Variants in GLIS3 observed in about 807,000 individuals in gnomAD.
GLIS3 encodes GLIS family zinc finger 3, also known as zinc finger protein GLIS3.
GLIS3 carries 53 observed loss-of-function variants against 78.6 expected under a neutral mutation model. The ratio of observed to expected loss-of-function variants is 0.67; its 90% CI spans 0.54 to 0.85. The LOEUF (loss-of-function observed/expected upper bound fraction) is 0.85. GLIS3 is among the 40% of genes least tolerant of loss of function. The pLI is 0.00. For missense variants in GLIS3, 1,703 were observed against 1,231.1 expected (o/e 1.38, Z -5.74); for synonymous variants, 684 against 509.9 (o/e 1.34, Z -4.60).
At chr9:4,329,979 T>C (rs1249656643) in intron 2 of GLIS3, among the ~76,000 whole-genome samples, 1 of 152,146 alleles carries the variant, frequency 6.6e-6, no homozygotes, top group Non-Finnish European at 1.5e-5. Context: ...ATCTTTGTGT[T>C]TTTCTTCTCT....
At chr9:4,374,925 T>C in the GLIS3 span, among the ~76,000 whole-genome samples, 12 of 152,380 alleles carry the variant, frequency 7.9e-5, no homozygotes, top group African/African-American at 2.4e-4. Context: ...CATTTTTCTA[T>C]GTGGTGAAAT....
rs77674046 is a variant in GLIS3, at chr9:4,292,349, C to T, written c.-98-5826G>A. On this transcript the variant is annotated intron_variant, in intron 1 of 10. Coordinates refer to ENST00000381971, the MANE Select transcript of GLIS3 (RefSeq NM_001042413.2). ...CTTATTTGTGGGTATACCTATCTGC[C>T]CATTTGTATGCATATACATCTTCTG... Among the ~76,000 whole-genome samples, 658 of 152,092 alleles carry T rather than the reference C, an allele frequency of 4.3e-3. 7 individuals are homozygous for T. The highest frequency in any genetic ancestry group is 0.015 in the African/African-American group (609 of 41,488).
the GLIS3 span, among the ~76,000 whole-genome samples, chr9:4,354,168 C>CT: frequency 6.6e-6 from 1 of 151,976 alleles, no homozygotes. Flanking sequence ...GCCAAGAGGG[C>CT]TTTTTAAAAA....
Position 4,118,389 on chromosome 9 carries a change from G to C in GLIS3, c.1089C>G (p.Arg363=). ...GVRGSCIPQP[R]PVPGSQKGVL... ...CGCCCTTCTGGCTGCCGGGCACCGG[G>C]CGCGGCTGGGGAATGCAGCTGCCGC... The change falls in exon 4 of 11, where the codon CGC becomes CGG. Residue 363 remains arginine, a synonymous_variant. Transcript: ENST00000381971. This position sits in a 1 kb window ranked among gnomAD's most constrained non-coding sequence, Gnocchi z 4.7. 3 of 1,601,704 alleles carry C rather than the reference G, an allele frequency of 1.9e-6. No homozygotes were observed. Among genetic ancestry groups the C allele is most frequent in the Non-Finnish European group, 2.5e-6 (3 of 1,177,522 alleles).
chr9:4,487,799 T>G, the GLIS3 span, among the ~76,000 whole-genome samples: 1 of 152,088 alleles, frequency 6.6e-6, no homozygotes, highest in African/African-American at 2.4e-5. Context: ...ACTATCCTCT[T>G]GCCTCAGCCT....
At chr9:3,976,589 C>G (rs1818805835) in intron 4 of GLIS3, among the ~76,000 whole-genome samples, 2 of 151,440 alleles carry the variant, frequency 1.3e-5, no homozygotes, top group Non-Finnish European at 2.9e-5. Flanking sequence ...GAAGAAACCT[C>G]TAATGAATTA....
intron 2 of GLIS3, among the ~76,000 whole-genome samples, chr9:4,184,353 G>T (rs180972696): frequency 1.6e-4 from 25 of 152,168 alleles, no homozygotes; most frequent in Non-Finnish European, 2.9e-4. Flanking sequence ...ATCTATAAAA[G>T]AAAATATCAT....
intron 4 of GLIS3, among the ~76,000 whole-genome samples, chr9:4,043,394 G>T (rs188484533): frequency 6.6e-6 from 1 of 152,256 alleles, no homozygotes; most frequent in East Asian, 1.9e-4. Context: ...GGCAGGTGGG[G>T]TGAGGGTGGG....
intron 2 of GLIS3, among the ~76,000 whole-genome samples, chr9:4,169,116 T>A (rs1564144538): frequency 6.6e-6 from 1 of 152,162 alleles, no homozygotes; most frequent in Non-Finnish European, 1.5e-5. Flanking sequence ...CCAAACCTAG[T>A]TAATTGTTGG....
chr9:4,306,261 A>AG (rs79608913), intron 4 of GLIS3, among the ~76,000 whole-genome samples: 109,598 of 151,732 alleles, frequency 0.72, 39,667 homozygotes, highest in East Asian at 0.8. Context: ...TTGTAGAGGC[A>AG]GGGGGGTCTC....
chr9:4,282,592 G>A (rs570783771), intron 2 of GLIS3, among the ~76,000 whole-genome samples: 3 of 152,140 alleles, frequency 2.0e-5, no homozygotes, highest in South Asian at 4.2e-4. Flanking sequence ...GGACTACATC[G>A]TGGGTTCTCC....
At chr9:3,848,540 T>G (rs1819209128) in intron 9 of GLIS3, among the ~76,000 whole-genome samples, 1 of 152,092 alleles carries the variant, frequency 6.6e-6, no homozygotes, top group South Asian at 2.1e-4. Context: ...AAAATAACCT[T>G]TAAATATTTA....
chr9:4,047,230 A>G (rs61351925), intron 4 of GLIS3, among the ~76,000 whole-genome samples: 23,398 of 152,070 alleles, frequency 0.15, 2,401 homozygotes, highest in East Asian at 0.46. Context: ...CCACCAGCTA[A>G]GACGTGACTA....
the GLIS3 span, among the ~76,000 whole-genome samples, chr9:4,380,256 C>G: frequency 6.6e-6 from 1 of 152,120 alleles, no homozygotes. Flanking sequence ...TTAACTGTTT[C>G]TTTTTTAAAT....
intron 2 of GLIS3, among the ~76,000 whole-genome samples, chr9:4,159,722 A>G (rs74629673): frequency 1.8e-5 from 2 of 110,424 alleles, no homozygotes; most frequent in Admixed American, 1.0e-4. Context: ...CCATTTCAAA[A>G]GAAAAAAAAA....
the GLIS3 span, among the ~76,000 whole-genome samples, chr9:4,407,375 G>T: frequency 6.6e-6 from 1 of 152,242 alleles, no homozygotes; most frequent in Admixed American, 6.5e-5. Context: ...ACCGGGCAAG[G>T]TGGCTCACAC....
At chr9:4,469,442 G>C in the GLIS3 span, among the ~76,000 whole-genome samples, 2 of 152,142 alleles carry the variant, frequency 1.3e-5, no homozygotes, top group African/African-American at 2.4e-5. Flanking sequence ...CTGTCTCTCA[G>C]ACCACAGTGC....
the GLIS3 span, among the ~76,000 whole-genome samples, chr9:4,461,026 C>T: frequency 6.6e-6 from 1 of 152,244 alleles, no homozygotes; most frequent in South Asian, 2.1e-4. Context: ...ACCAGTCTTA[C>T]TTTTTTTCTG....
chr9:4,247,891 T>C (rs1237529615), intron 2 of GLIS3, among the ~76,000 whole-genome samples: 6 of 152,192 alleles, frequency 3.9e-5, no homozygotes, highest in Admixed American at 6.5e-5. Context: ...TCATTGATAC[T>C]TTTGTGGTGA....
Sources: allele counts gnomAD v4.1 joint callset (sites outside exome capture counted in the v4.1 genomes callset), GRCh38; gene constraint gnomAD v4.1.1; non-coding constraint Gnocchi (gnomAD v3.1); transcripts MANE v1.5; gene names NCBI Gene and HGNC (gene_info 2026-07-23, HGNC 2026-07-21).